CDH13: variants seen among roughly 807,000 people sequenced by gnomAD.
CDH13 encodes the protein cadherin-13.
A neutral mutation model predicts 63.8 loss-of-function variants in CDH13; 24 were observed. The observed-to-expected ratio is 0.38, with a 90% CI of 0.27 to 0.53. The LOEUF is 0.53. Ranked by LOEUF, CDH13 falls within the 20% of genes least tolerant of loss-of-function variation. CDH13 has a pLI of 0.85. For missense variants in CDH13, 1,049 were observed against 903.1 expected (o/e 1.16, Z -2.07); for synonymous variants, 503 against 355.3 (o/e 1.42, Z -4.67).
At chr16:82,633,920 A>G (rs1355853550) in intron 1 of CDH13, among the ~76,000 whole-genome samples, 3 of 152,232 alleles carry the variant, frequency 2.0e-5, no homozygotes, top group South Asian at 2.1e-4. Flanking sequence ...CAGAGTAAAT[A>G]TAACTCCATA....
chr16:83,381,742 A>C (rs2091571437), intron 6 of CDH13, among the ~76,000 whole-genome samples: 1 of 151,956 alleles, frequency 6.6e-6, no homozygotes, highest in Non-Finnish European at 1.5e-5. Context: ...AAGTACCAAG[A>C]GGATAAACAC....
intron 3 of CDH13, among the ~76,000 whole-genome samples, chr16:83,049,216 T>C (rs529830878): frequency 1.6e-4 from 25 of 152,064 alleles, no homozygotes; most frequent in Non-Finnish European, 3.4e-4. Flanking sequence ...GGAAACTGTA[T>C]ACCTGTTAAG....
At chr16:83,117,797 G>A (rs2035379032) in intron 3 of CDH13, among the ~76,000 whole-genome samples, 2 of 142,200 alleles carry the variant, frequency 1.4e-5, no homozygotes, top group African/African-American at 5.2e-5. Context: ...CCCCTCCCCT[G>A]CCCCTCACTG....
chr16:83,452,634 T>C (rs1253589234), intron 6 of CDH13, among the ~76,000 whole-genome samples: 4 of 152,192 alleles, frequency 2.6e-5, no homozygotes, highest in Admixed American at 2.0e-4. Flanking sequence ...ACCAGATTTG[T>C]TGGGTTCCTG....
chr16:83,252,104 T>TA, intron 5 of CDH13, among the ~76,000 whole-genome samples: 1 of 12,884 alleles, frequency 7.8e-5, no homozygotes, highest in African/African-American at 2.2e-4. Flanking sequence ...TATATATATA[T>TA]TATACACACA....
intron 7 of CDH13, among the ~76,000 whole-genome samples, chr16:83,509,441 C>A (rs1181373036): frequency 6.6e-6 from 1 of 152,174 alleles, no homozygotes; most frequent in East Asian, 1.9e-4. Flanking sequence ...AACTGTGCAG[C>A]TTTACTTTTT....
rs201892225 is a variant in CDH13 at position 82,828,731 on chromosome 16, A to G, written c.46-29631A>G. Among the ~76,000 whole-genome samples the G allele has an allele frequency of 2.8e-4, 42 of 152,294 alleles. No homozygotes were observed. The East Asian group carries it at 8.1e-3, about 29-fold the overall frequency. On this transcript the variant is annotated intron_variant, in intron 1 of 13. Transcript: ENST00000567109. ...ATACACACACACATTCAAAGAAAAA[A>G]TAATACAAATAAAAATACAGTACAA...
chr16:83,606,540 C>T (rs916090825), intron 8 of CDH13, among the ~76,000 whole-genome samples: 1 of 151,746 alleles, frequency 6.6e-6, no homozygotes, highest in South Asian at 2.1e-4. Context: ...GAGTTCAAGA[C>T]CAGTCTGGGA....
intron 5 of CDH13, among the ~76,000 whole-genome samples, chr16:83,328,557 C>G (rs1567595244): frequency 6.6e-6 from 1 of 152,090 alleles, no homozygotes; most frequent in Non-Finnish European, 1.5e-5. Flanking sequence ...AGTGGGAGGA[C>G]AAGAGCAGAA....
chr16:82,657,651 G>T (rs1911453467), intron 1 of CDH13, among the ~76,000 whole-genome samples: 1 of 152,140 alleles, frequency 6.6e-6, no homozygotes, highest in African/African-American at 2.4e-5. Flanking sequence ...TACACAGTTT[G>T]CTAGATTTAT....
At chr16:83,168,608 T>TA (rs149816946) in intron 4 of CDH13, among the ~76,000 whole-genome samples, 9,383 of 152,042 alleles carry the variant, frequency 0.062, 509 homozygotes, top group African/African-American at 0.14. Flanking sequence ...AAAATAAATT[T>TA]TAAAAAAAAC....
intron 1 of CDH13, among the ~76,000 whole-genome samples, chr16:82,631,754 C>T (rs1234767347): frequency 1.3e-5 from 2 of 152,182 alleles, no homozygotes; most frequent in African/African-American, 4.8e-5. Flanking sequence ...TCATCTTTCT[C>T]TGCTGAGAGA....
intron 10 of CDH13, among the ~76,000 whole-genome samples, chr16:83,702,356 C>G (rs1906369581): frequency 6.6e-6 from 1 of 152,158 alleles, no homozygotes; most frequent in Non-Finnish European, 1.5e-5. Flanking sequence ...AGTCGAACTG[C>G]AGATGGTGGG....
chr16:82,907,747 G>A (rs992945574), intron 2 of CDH13, among the ~76,000 whole-genome samples: 2 of 152,106 alleles, frequency 1.3e-5, no homozygotes, highest in Non-Finnish European at 1.5e-5. Context: ...TCTTGCCAAG[G>A]ACTGCTGTAG....
At chr16:83,546,763 A>C (rs2075393735) in intron 7 of CDH13, among the ~76,000 whole-genome samples, 1 of 152,114 alleles carries the variant, frequency 6.6e-6, no homozygotes, top group African/African-American at 2.4e-5. Context: ...GCCCTTCCAT[A>C]GTACTTATTA....
At chr16:83,127,073 T>C (rs2035843872) in intron 4 of CDH13, among the ~76,000 whole-genome samples, 1 of 152,156 alleles carries the variant, frequency 6.6e-6, no homozygotes, top group Non-Finnish European at 1.5e-5. Flanking sequence ...TACAGGTATA[T>C]CTGGTTGAAC....
intron 8 of CDH13, among the ~76,000 whole-genome samples, chr16:83,604,552 C>T (rs1908148909): frequency 6.6e-6 from 1 of 152,148 alleles, no homozygotes; most frequent in Non-Finnish European, 1.5e-5. Flanking sequence ...TTGTGTTTCT[C>T]TAACAGGGTT....
intron 3 of CDH13, among the ~76,000 whole-genome samples, chr16:83,117,340 T>C (rs75091057): frequency 0.047 from 7,226 of 152,190 alleles, 524 homozygotes; most frequent in African/African-American, 0.16. Context: ...CCGGTAGGCT[T>C]CTGCTGCTGG....
At chr16:83,212,680 AC>A in intron 4 of CDH13, among the ~76,000 whole-genome samples, 1 of 152,298 alleles carries the variant, frequency 6.6e-6, no homozygotes, top group Non-Finnish European at 1.5e-5. Flanking sequence ...GTGATACTCA[AC>A]AGGGATGGTG....
Sources: allele counts gnomAD v4.1 joint callset (sites outside exome capture counted in the v4.1 genomes callset), GRCh38; gene constraint gnomAD v4.1.1; transcripts MANE v1.5; gene names NCBI Gene and HGNC (gene_info 2026-07-23, HGNC 2026-07-21).